GABRG3: variants seen among roughly 807,000 people sequenced by gnomAD.
GABRG3 encodes the protein gamma-aminobutyric acid receptor subunit gamma-3.
Under a neutral mutation model 48.8 loss-of-function variants are expected in GABRG3, and 25 were observed. That is an observed-to-expected ratio of 0.51 (90% CI 0.37 to 0.72). The LOEUF (loss-of-function observed/expected upper bound fraction) is 0.72. Among genes scored for constraint, GABRG3 ranks in the 30% least tolerant of loss-of-function variants. GABRG3 has a pLI of 0.00. For synonymous variants in GABRG3, 227 were observed against 217.6 expected, an observed-to-expected ratio of 1.04 and a Z score of -0.38; for missense variants, 394 against 577.9, an observed-to-expected ratio of 0.68 and a Z score of 3.26.
rs1888990687 is a variant in GABRG3, at chr15:27,447,931, C to G, written c.575-32719C>G. On this transcript the variant is annotated intron_variant, in intron 5 of 9. Coordinates refer to ENST00000615808, the MANE Select transcript of GABRG3 (RefSeq NM_033223.5). The surrounding 1 kb of genome is among the most constrained non-coding windows in gnomAD (Gnocchi z 4.0). Reference sequence around the variant, plus strand: ...CAGGTTGATGGGTGCAGCAAACCACCATGGCACGTGTATACCTATGTAGCA... The same window carrying G: ...CAGGTTGATGGGTGCAGCAAACCACGATGGCACGTGTATACCTATGTAGCA... 3.9e-5 allele frequency among the ~76,000 whole-genome samples: 6 copies of G among 152,078 alleles called. No individual in the cohort carries two copies. Among genetic ancestry groups the G allele is most frequent in the Admixed American group, 3.9e-4 (6 of 15,258 alleles).
intron 3 of GABRG3, among the ~76,000 whole-genome samples, chr15:27,272,921 A>T (rs1891135154): frequency 6.6e-6 from 1 of 152,232 alleles, no homozygotes; most frequent in Non-Finnish European, 1.5e-5. Flanking sequence ...AGATTCTGTC[A>T]TATAAAGGGT....
At chr15:26,977,339 G>A (rs745471968) in intron 2 of GABRG3, among the ~76,000 whole-genome samples, 189 bp downstream of exon 2, 5 of 152,134 alleles carry the variant, frequency 3.3e-5, no homozygotes, top group East Asian at 1.9e-4. Context: ...ATGCAGGAAC[G>A]TGGCTCTGTG....
intron 3 of GABRG3, among the ~76,000 whole-genome samples, chr15:27,107,485 A>G (rs1002437320): frequency 6.6e-6 from 1 of 151,898 alleles, no homozygotes; most frequent in Non-Finnish European, 1.5e-5. Flanking sequence ...AAAAACGTGG[A>G]TCTCTAGTTT....
intron 3 of GABRG3, among the ~76,000 whole-genome samples, chr15:27,308,469 A>G (rs1368882474): frequency 4.1e-5 from 6 of 147,860 alleles, no homozygotes; most frequent in Non-Finnish European, 7.5e-5. Context: ...ACATGTTTAT[A>G]TATAAACATA....
At position 27,446,469 on chromosome 15, in the gene GABRG3, C is replaced by T. The variant is rs144196311; in HGVS notation, c.575-34181C>T. On this transcript the variant is annotated intron_variant, in intron 5 of 9. Transcript: ENST00000615808. Reference sequence around the variant, plus strand: ...TTCTTATCTTGCTGTTTTCAGCCACCGTCCATATATCAGCATGAAGGAAAA... The same window carrying T: ...TTCTTATCTTGCTGTTTTCAGCCACTGTCCATATATCAGCATGAAGGAAAA... Among the ~76,000 whole-genome samples the T allele has an allele frequency of 2.6e-3, 390 of 152,060 alleles. 4 individuals are homozygous for T. The highest frequency in any genetic ancestry group is 8.5e-3 in the African/African-American group (354 of 41,460).
chr15:27,052,688 A>G (rs968071553), intron 3 of GABRG3, among the ~76,000 whole-genome samples: 16 of 152,206 alleles, frequency 1.1e-4, no homozygotes, highest in Admixed American at 9.8e-4. Flanking sequence ...ATAGTTTAAA[A>G]AGTCTAGATA....
chr15:27,039,729 A>G, intron 3 of GABRG3, among the ~76,000 whole-genome samples: 1 of 152,328 alleles, frequency 6.6e-6, no homozygotes, highest in East Asian at 1.9e-4. Flanking sequence ...CTAGTCTTTT[A>G]TGAGGCAGAA....
chr15:27,135,251 A>G (rs974526790), intron 3 of GABRG3, among the ~76,000 whole-genome samples: 1 of 152,196 alleles, frequency 6.6e-6, no homozygotes, highest in Non-Finnish European at 1.5e-5. Context: ...CTGCTTAATT[A>G]AAGGAACTAG....
chr15:27,101,178 A>G (rs143256664), intron 3 of GABRG3, among the ~76,000 whole-genome samples: 86 of 152,358 alleles, frequency 5.6e-4, no homozygotes, highest in African/African-American at 2.0e-3. Context: ...TCATGTGAAA[A>G]CCAAAATTAA....
intron 3 of GABRG3, among the ~76,000 whole-genome samples, chr15:27,307,819 A>AAAAC (rs1892703123): frequency 1.1e-5 from 1 of 91,494 alleles, no homozygotes; most frequent in Non-Finnish European, 2.2e-5. Flanking sequence ...ACATATATAA[A>AAAAC]ATAAACATAA....
intron 3 of GABRG3, among the ~76,000 whole-genome samples, chr15:27,084,119 A>G (rs1197027095): frequency 6.6e-6 from 1 of 152,202 alleles, no homozygotes; most frequent in Non-Finnish European, 1.5e-5. Context: ...GTCTTGCCTC[A>G]ACCACTTTGC....
At chr15:27,493,681 AT>A (rs1890412839) in intron 6 of GABRG3, among the ~76,000 whole-genome samples, 1 of 152,240 alleles carries the variant, frequency 6.6e-6, no homozygotes, top group South Asian at 2.1e-4. Flanking sequence ...AGTTAAAAAC[AT>A]TTTTAAAAGA....
intron 7 of GABRG3, among the ~76,000 whole-genome samples, chr15:27,524,714 G>A (rs1566879067): frequency 6.6e-6 from 1 of 152,004 alleles, no homozygotes; most frequent in Non-Finnish European, 1.5e-5. Context: ...AGAGTGACAC[G>A]CCTCAAAAAC....
chr15:27,117,825 A>T (rs1334958265), intron 3 of GABRG3, among the ~76,000 whole-genome samples: 1 of 152,232 alleles, frequency 6.6e-6, no homozygotes, highest in Non-Finnish European at 1.5e-5. Context: ...TTCTAAGCCC[A>T]GTGAATGTGC....
rs1891596226 is a variant in GABRG3 at position 27,538,368 on chromosome 15, G to A, written c.*5487G>A. 6.6e-6 allele frequency: 1 copy of A among 152,208 alleles called. No homozygotes were observed. Among genetic ancestry groups the A allele is most frequent in the African/African-American group, 2.4e-5 (1 of 41,448 alleles). 9.4% of individuals were successfully genotyped at this position (152,208 alleles called of 1,614,324 possible). A position where few individuals can be genotyped will look rare whatever the true frequency, so the allele number is the denominator to read the frequency against. On this transcript the variant is annotated 3_prime_UTR_variant, in exon 10 of 10. Transcript: ENST00000615808. ...TTCAGATTAGGTTATTCAAGAGCAT[G>A]AGCTAGAAAATAATTAGGCAGACAA...
chr15:27,405,857 G>GC (rs1051931716), intron 5 of GABRG3, among the ~76,000 whole-genome samples: 3 of 151,464 alleles, frequency 2.0e-5, no homozygotes, highest in African/African-American at 4.9e-5. Context: ...GACTGGGGGA[G>GC]GGAATATAGG....
intron 5 of GABRG3, among the ~76,000 whole-genome samples, chr15:27,474,510 C>T (rs548430708): frequency 4.6e-5 from 7 of 152,242 alleles, no homozygotes; most frequent in South Asian, 4.1e-4. Flanking sequence ...GTCCCTCCAG[C>T]GCTTTGGAAG....
At chr15:27,412,148 A>G (rs1456006859) in intron 5 of GABRG3, among the ~76,000 whole-genome samples, 1 of 152,074 alleles carries the variant, frequency 6.6e-6, no homozygotes, top group Non-Finnish European at 1.5e-5. Context: ...TTGTATTTTG[A>G]GATAACTGTA....
chr15:27,507,427 T>C (rs4296212), intron 6 of GABRG3, among the ~76,000 whole-genome samples: 102,735 of 151,952 alleles, frequency 0.68, 35,663 homozygotes, highest in African/African-American at 0.84. Context: ...TGGCTTGAAC[T>C]CAGCAAGCAG....
Sources: allele counts gnomAD v4.1 joint callset (sites outside exome capture counted in the v4.1 genomes callset), GRCh38; gene constraint gnomAD v4.1.1; non-coding constraint Gnocchi (gnomAD v3.1); transcripts MANE v1.5; gene names NCBI Gene and HGNC (gene_info 2026-07-23, HGNC 2026-07-21).